UTY: variants seen among roughly 807,000 people sequenced by gnomAD.
UTY encodes ubiquitously transcribed tetratricopeptide repeat containing, Y-linked, also known as histone demethylase UTY.
Under a neutral mutation model 32.5 loss-of-function variants are expected in UTY, and 12 were observed. The ratio of observed to expected loss-of-function variants is 0.37; its 90% CI spans 0.24 to 0.60. The LOEUF is 0.60. Among genes scored for constraint, UTY ranks in the 20% least tolerant of loss-of-function variants. The pLI is 0.69. For synonymous variants in UTY, 131 were observed against 103.4 expected, an observed-to-expected ratio of 1.27 and a Z score of -1.62; for missense variants, 303 against 299.2, an observed-to-expected ratio of 1.01 and a Z score of -0.09.
chrY:13,480,377 G>C, upstream of UTY: 1 of 34,189 alleles, frequency 2.9e-5, no homozygotes, highest in Non-Finnish European at 7.3e-5. Flanking sequence ...GGACACCATG[G>C]ACTTTAGGAG....
At chrY:13,298,558 T>A (rs2058198472) in intron 26 of UTY, among the ~76,000 whole-genome samples, 1 of 31,636 alleles carries the variant, frequency 3.2e-5, no homozygotes, top group Non-Finnish European at 7.7e-5. Context: ...ATCAAGACAA[T>A]CCTGGCTAAC....
intron 10 of UTY, among the ~76,000 whole-genome samples, chrY:13,364,829 G>C: frequency 3.0e-5 from 1 of 33,573 alleles, no homozygotes; most frequent in East Asian, 7.7e-4. Context: ...GTATAATTCA[G>C]ACAGTCAACA....
intron 3 of UTY, among the ~76,000 whole-genome samples, chrY:13,468,851 G>A: frequency 3.0e-5 from 1 of 32,845 alleles, no homozygotes; most frequent in Non-Finnish European, 7.4e-5. Flanking sequence ...AGCATGCTAC[G>A]TCAAATTAAA....
chrY:13,259,110 A>G (rs2055060529), intron 28 of UTY, among the ~76,000 whole-genome samples: 1 of 34,735 alleles, frequency 2.9e-5, no homozygotes, highest in Non-Finnish European at 7.3e-5. Flanking sequence ...AACTAGCCCA[A>G]CCTATTCCTT....
intron 4 of UTY, among the ~76,000 whole-genome samples, chrY:13,416,087 C>A: frequency 2.9e-5 from 1 of 33,987 alleles, no homozygotes. Flanking sequence ...AAGCACCCAC[C>A]ACCACACCAC....
intron 3 of UTY, among the ~76,000 whole-genome samples, chrY:13,451,868 C>T: frequency 3.0e-5 from 1 of 33,452 alleles, no homozygotes; most frequent in African/African-American, 1.2e-4. Context: ...AAGCTGTCTG[C>T]ACGTTAGTGG....
chrY:13,441,993 A>C, intron 4 of UTY, among the ~76,000 whole-genome samples: 1 of 33,846 alleles, frequency 3.0e-5, no homozygotes, highest in East Asian at 7.7e-4. Context: ...TGGCCCAGCC[A>C]CCTGGGTGCA....
At chrY:13,349,471 C>T in intron 17 of UTY, among the ~76,000 whole-genome samples, 1 of 32,940 alleles carries the variant, frequency 3.0e-5, no homozygotes, top group Non-Finnish European at 7.4e-5. Flanking sequence ...ATCAACAGAA[C>T]ACTTGCAAAA....
intron 20 of UTY, among the ~76,000 whole-genome samples, chrY:13,323,990 ACTT>A (rs2060015276): frequency 3.0e-5 from 1 of 32,853 alleles, no homozygotes; most frequent in Non-Finnish European, 7.5e-5. Flanking sequence ...AATACTCAGA[ACTT>A]CTTCAACTAT....
chrY:13,308,369 A>G (rs2058820293), intron 21 of UTY, among the ~76,000 whole-genome samples: 2 of 33,126 alleles, frequency 6.0e-5, no homozygotes, highest in African/African-American at 1.2e-4. Context: ...CTGTAATCCC[A>G]GCATTTTGGG....
chrY:13,440,296 T>C, intron 4 of UTY, among the ~76,000 whole-genome samples: 1 of 33,641 alleles, frequency 3.0e-5, no homozygotes, highest in Non-Finnish European at 7.4e-5. Context: ...AGTAGATAAG[T>C]AAAGTAGTAA....
intron 6 of UTY, among the ~76,000 whole-genome samples, chrY:13,403,389 G>T (rs768827751): frequency 9.4e-5 from 3 of 31,845 alleles, no homozygotes. Flanking sequence ...CGAATCTCAG[G>T]TTCAAGGGAT....
In UTY at chrY:13,335,809, G is replaced by A; in HGVS notation, c.2588C>T (p.Pro863Leu). 2.5e-6 allele frequency: 1 copy of A among 399,026 alleles called. No homozygotes were observed. Among genetic ancestry groups the A allele is most frequent in the Non-Finnish European group, 3.5e-6 (1 of 283,668 alleles). Residue 863 changes from proline to leucine, a missense_variant, in exon 18 of 30, where the codon CCC becomes CTC. Coordinates refer to ENST00000545955, the MANE Select transcript of UTY (RefSeq NM_001258249.2). The stretch of plus-strand genomic sequence containing the variant: ...TGTTGCTGTGGAAATGGCTGAAGAG[G>A]GTGAAGAGGCAACAGAATGATCAGT... ...TKTDHSVASS[P>L]SSAISTATPS...
intron 27 of UTY, among the ~76,000 whole-genome samples, chrY:13,274,681 G>A: frequency 3.3e-5 from 1 of 30,501 alleles, no homozygotes; most frequent in Non-Finnish European, 7.8e-5. Context: ...TACGAGGGAC[G>A]CTGAGGCAGG....
chrY:13,335,273 TG>T (rs2060973877), intron 18 of UTY, among the ~76,000 whole-genome samples: 1 of 32,162 alleles, frequency 3.1e-5, no homozygotes, highest in Non-Finnish European at 7.6e-5. Flanking sequence ...GGTTGATATG[TG>T]AGGCAAACCA....
chrY:13,251,109 C>A lies in UTY; in HGVS notation c.4216G>T (p.Ala1406Ser). ...TCCAAACTTTTGCTTGTTTTTCGTG[C>A]ACAATCATGGCAATGTACTATGTAG... ...KTYIVHCHDC[A>S]RKTSKSLENF... The change falls in exon 29 of 30, where the codon GCA becomes TCA. Residue 1406 changes from alanine (A) to serine (S), a missense_variant. Ala to Ser is a moderately conservative substitution (Grantham distance 99). Transcript: ENST00000545955. 2 of 398,223 alleles carry A rather than the reference C, an allele frequency of 5.0e-6. No individual in the cohort carries two copies. Among genetic ancestry groups the A allele is most frequent in the Non-Finnish European group, 7.1e-6 (2 of 283,208 alleles).
intron 21 of UTY, among the ~76,000 whole-genome samples, chrY:13,313,782 G>A (rs2059337112): frequency 2.4e-4 from 8 of 33,513 alleles, no homozygotes; most frequent in African/African-American, 9.4e-4. Context: ...GGAACACAAA[G>A]ACATAAAATC....
chrY:13,433,747 G>T (rs750997055), intron 4 of UTY, among the ~76,000 whole-genome samples: 4 of 33,867 alleles, frequency 1.2e-4, no homozygotes, highest in South Asian at 1.3e-3. Context: ...CTTCTGAGTA[G>T]AAACTTCACA....
chrY:13,247,200 C>CT (rs2053959879), downstream of UTY, among the ~76,000 whole-genome samples: 3 of 30,846 alleles, frequency 9.7e-5, no homozygotes, highest in East Asian at 8.4e-4. Flanking sequence ...CAAAAAGAAT[C>CT]TTTTTTTTTT....
Sources: allele counts gnomAD v4.1 joint callset (sites outside exome capture counted in the v4.1 genomes callset), GRCh38; gene constraint gnomAD v4.1.1; transcripts MANE v1.5; gene names NCBI Gene and HGNC (gene_info 2026-07-23, HGNC 2026-07-21).